LY75: variants seen among roughly 807,000 people sequenced by gnomAD.
The protein encoded by LY75 is lymphocyte antigen 75.
LY75 carries 185 observed loss-of-function variants against 231.7 expected under a neutral mutation model. The ratio of observed to expected loss-of-function variants is 0.80; its 90% CI spans 0.71 to 0.90. The LOEUF (loss-of-function observed/expected upper bound fraction) is 0.90, where lower values mean the gene tolerates loss of function less well. Ranked by LOEUF, LY75 falls within the 40% of genes least tolerant of loss-of-function variation. The pLI is 0.00. For synonymous variants in LY75, 668 were observed against 689.0 expected (o/e 0.97, Z 0.48); for missense variants, 1,947 against 2,050.2 (o/e 0.95, Z 0.97).
intron 31 of LY75, among the ~76,000 whole-genome samples, chr2:159,812,654 C>G (rs1337380780): frequency 6.6e-6 from 1 of 152,080 alleles, no homozygotes; most frequent in Admixed American, 6.6e-5. Flanking sequence ...CTCAAGCCAC[C>G]CACCTGTCTC....
At chr2:159,857,307 T>A (rs1252775572) in intron 16 of LY75, among the ~76,000 whole-genome samples, 1 of 152,238 alleles carries the variant, frequency 6.6e-6, no homozygotes, top group Admixed American at 6.5e-5. Context: ...AGTTCCATGA[T>A]GTGAACTTTG....
chr2:159,841,871 C>T (rs1015080082), intron 24 of LY75, among the ~76,000 whole-genome samples: 3 of 151,908 alleles, frequency 2.0e-5, no homozygotes. Context: ...TTAACAAATT[C>T]CATCAGATAC....
intron 3 of LY75, 137 bp from the exon 4 acceptor site, chr2:159,890,514 A>C: frequency 8.2e-7 from 1 of 1,214,390 alleles, no homozygotes; most frequent in Non-Finnish European, 1.1e-6. Flanking sequence ...ACTCATTTAG[A>C]CCATATTTTG....
chr2:159,831,807 A>G (rs1458145636), intron 27 of LY75, 21 bp from the exon 28 acceptor site: 1 of 1,577,214 alleles, frequency 6.3e-7, no homozygotes, highest in South Asian at 1.2e-5. Context: ...AAAAATAATC[A>G]ATAATTTTAA....
intron 23 of LY75, among the ~76,000 whole-genome samples, chr2:159,848,421 G>C (rs1052208789): frequency 2.0e-5 from 3 of 151,966 alleles, no homozygotes; most frequent in East Asian, 1.9e-4. Context: ...GGATGGGAAG[G>C]GGGTGAGGGA....
chr2:159,859,757 T>A (rs1223750175), intron 15 of LY75, among the ~76,000 whole-genome samples: 1 of 152,194 alleles, frequency 6.6e-6, no homozygotes. Flanking sequence ...CAAATTTCCA[T>A]GTGAGATGAA....
intron 3 of LY75, 147 bp downstream of exon 3, chr2:159,893,767 A>C: frequency 2.6e-6 from 3 of 1,161,438 alleles, no homozygotes; most frequent in Non-Finnish European, 3.5e-6. Flanking sequence ...GCTACACATT[A>C]CCTCTCTCTT....
chr2:159,851,742 A>C (rs1456669258), intron 21 of LY75, among the ~76,000 whole-genome samples: 1 of 152,226 alleles, frequency 6.6e-6, no homozygotes, highest in Non-Finnish European at 1.5e-5. Context: ...ATTTGGAGGC[A>C]AGATCAATGA....
chr2:159,899,295 C>T (rs1686002360), intron 1 of LY75, among the ~76,000 whole-genome samples: 1 of 152,204 alleles, frequency 6.6e-6, no homozygotes, highest in Admixed American at 6.5e-5. Flanking sequence ...TTTGCTCCTG[C>T]TACTTGTTAG....
At chr2:159,884,154 G>A (rs1685517851) in intron 6 of LY75, among the ~76,000 whole-genome samples, 1 of 152,220 alleles carries the variant, frequency 6.6e-6, no homozygotes, top group Admixed American at 6.5e-5. Flanking sequence ...CACCATTCAT[G>A]TAAGATGTGA....
At chr2:159,836,090 G>A (rs1683815846) in intron 25 of LY75, among the ~76,000 whole-genome samples, 1 of 152,142 alleles carries the variant, frequency 6.6e-6, no homozygotes, top group African/African-American at 2.4e-5. Flanking sequence ...AGACCACCTG[G>A]CATAGTGGAA....
In LY75 at chr2:159,849,995, C is replaced by T; in HGVS notation, c.3135G>A (p.Leu1045=). 6.2e-7 allele frequency: 1 copy of T among 1,610,700 alleles called. No individual in the cohort carries two copies. The highest frequency in any genetic ancestry group is 1.1e-5 in the South Asian group (1 of 90,360). The part of the protein sequence containing the change: ...NFHPLLVSGR[L]RIPENFFEEE... Reference sequence around the variant, plus strand: ...AAAAACTTACATTTTCTGGTATTCTCAGCCTCCCACTAACCAATAATGGGT... The same window carrying T: ...AAAAACTTACATTTTCTGGTATTCTTAGCCTCCCACTAACCAATAATGGGT... Residue 1045 remains leucine, a synonymous_variant, in exon 23 of 35, where the codon CTG becomes CTA. Coordinates refer to ENST00000263636, the MANE Select transcript of LY75 (RefSeq NM_002349.4).
chr2:159,821,522 T>G (rs1031168173), intron 28 of LY75, among the ~76,000 whole-genome samples: 12 of 150,352 alleles, frequency 8.0e-5, no homozygotes, highest in African/African-American at 2.2e-4. Flanking sequence ...AGGCTGAGGC[T>G]GGAGAACTGC....
intron 6 of LY75, 62 bp from the exon 7 acceptor site, chr2:159,882,377 T>G (rs1278659810): frequency 6.5e-7 from 1 of 1,546,050 alleles, no homozygotes; most frequent in Non-Finnish European, 8.7e-7. Context: ...TCAATAACAT[T>G]GCAAATTCTT....
At chr2:159,815,627 A>C in intron 30 of LY75, 54 bp from the exon 31 acceptor site, 1 of 1,569,450 alleles carries the variant, frequency 6.4e-7, no homozygotes, top group Non-Finnish European at 8.6e-7. Flanking sequence ...CTTCAAAAAG[A>C]ATACAAAGAA....
chr2:159,860,350 C>G (rs548652596), intron 15 of LY75, among the ~76,000 whole-genome samples: 5 of 152,292 alleles, frequency 3.3e-5, no homozygotes, highest in African/African-American at 1.2e-4. Context: ...ATACTGTTAT[C>G]AAGGACAGCA....
chr2:159,831,836 A>T (rs780636295), intron 27 of LY75, 50 bp from the exon 28 acceptor site: 4 of 1,474,706 alleles, frequency 2.7e-6, no homozygotes, highest in South Asian at 1.2e-5. Flanking sequence ...TATCTAGTAC[A>T]CTTCTATTTG....
chr2:159,886,155 G>A (rs950206423), intron 5 of LY75, among the ~76,000 whole-genome samples: 1 of 152,144 alleles, frequency 6.6e-6, no homozygotes, highest in Non-Finnish European at 1.5e-5. Context: ...TGGGCCATGT[G>A]GTGGAGCTCA....
At chr2:159,815,285 G>A in intron 31 of LY75, 120 bp downstream of exon 31, 1 of 1,288,846 alleles carries the variant, frequency 7.8e-7, no homozygotes, top group Non-Finnish European at 1.0e-6. Flanking sequence ...ACAGGCGCGA[G>A]CCACTGCGCC....
Sources: allele counts gnomAD v4.1 joint callset (sites outside exome capture counted in the v4.1 genomes callset), GRCh38; gene constraint gnomAD v4.1.1; transcripts MANE v1.5; gene names NCBI Gene and HGNC (gene_info 2026-07-23, HGNC 2026-07-21).